The following PLEKHA5 variants were observed in gnomAD, a reference collection of about 807,000 sequenced individuals.
PLEKHA5 encodes the protein pleckstrin homology domain-containing family A member 5.
In PLEKHA5, 55 loss-of-function variants were observed where a neutral mutation model predicts 181.9. The observed-to-expected ratio is 0.30, with a 90% CI of 0.24 to 0.38. PLEKHA5 has a LOEUF of 0.38. PLEKHA5 is among the 10% of genes least tolerant of loss of function. PLEKHA5 has a pLI of 1.00. For missense variants in PLEKHA5, 1,432 were observed against 1,549.5 expected, an observed-to-expected ratio of 0.92 and a Z score of 1.27; for synonymous variants, 535 against 529.4, an observed-to-expected ratio of 1.01 and a Z score of -0.15.
Position 19,269,828 on chromosome 12 carries a change from A to C in PLEKHA5, c.770A>C (p.Glu257Ala). ...YFCTDTGKEM[E>A]LWMKAMLDAA... ...TGCACTGATACAGGAAAGGAAATGGAGTTGTGGATGAAAGCCATGTTAGAT... is the reference window on the plus strand; with the variant it reads ...TGCACTGATACAGGAAAGGAAATGGCGTTGTGGATGAAAGCCATGTTAGAT... Residue 257 changes from glutamate (E) to alanine (A), a missense_variant, in exon 9 of 32, where the codon GAG becomes GCG. Glu to Ala is a moderately radical substitution (Grantham distance 107). Coordinates refer to ENST00000429027, the MANE Select transcript of PLEKHA5 (RefSeq NM_001256470.2). 6.2e-7 allele frequency: 1 copy of C among 1,611,798 alleles called. No individual in the cohort carries two copies. Among genetic ancestry groups the C allele is most frequent in the Non-Finnish European group, 8.5e-7 (1 of 1,177,966 alleles).
chr12:19,269,340 T>C (rs1370426139), intron 8 of PLEKHA5, among the ~76,000 whole-genome samples: 1 of 150,064 alleles, frequency 6.7e-6, no homozygotes, highest in Non-Finnish European at 1.5e-5. Flanking sequence ...TGAACCAAGA[T>C]TGCTCCACTG....
intron 3 of PLEKHA5, chr12:19,149,796 A>G (rs1388372179): frequency 6.6e-6 from 1 of 152,216 alleles, no homozygotes; most frequent in Admixed American, 6.5e-5. Context: ...GAAGACAGGC[A>G]TCCACCCGAG....
chr12:19,142,415 G>A (rs1158844901), intron 3 of PLEKHA5, among the ~76,000 whole-genome samples: 1 of 151,890 alleles, frequency 6.6e-6, no homozygotes, highest in Non-Finnish European at 1.5e-5. Context: ...ATAAAACTCA[G>A]TAAAATAGGA....
At chr12:19,244,505 A>C (rs538221727) in intron 3 of PLEKHA5, among the ~76,000 whole-genome samples, 14 of 152,348 alleles carry the variant, frequency 9.2e-5, no homozygotes, top group African/African-American at 3.1e-4. Flanking sequence ...GGGCCTTTGC[A>C]AAAGTCCAAG....
chr12:19,338,832 G>A (rs147895381), intron 21 of PLEKHA5, among the ~76,000 whole-genome samples: 2,428 of 150,396 alleles, frequency 0.016, 34 homozygotes, highest in Middle Eastern at 0.031. Context: ...TGCAGTGATC[G>A]GAGATCACAC....
At chr12:19,259,514 GC>G (rs2067796699) in intron 6 of PLEKHA5, among the ~76,000 whole-genome samples, 1 of 152,122 alleles carries the variant, frequency 6.6e-6, no homozygotes, top group South Asian at 2.1e-4. Context: ...ACTTTGGGAG[GC>G]CAAGGTGGGT....
At chr12:19,156,055 A>T (rs1336622942) in intron 3 of PLEKHA5, among the ~76,000 whole-genome samples, 10 of 152,170 alleles carry the variant, frequency 6.6e-5, no homozygotes, top group Non-Finnish European at 1.3e-4. Flanking sequence ...TTGTGTTAAA[A>T]AGTAGTTTCC....
Position 19,269,860 on chromosome 12 carries a change from C to G in PLEKHA5, c.802C>G (p.Leu268Val). ...GATGAAAGCCATGTTAGATGCTGCC[C>G]TAGTACAGACAGAACCTGTGAAAAG... ...LWMKAMLDAALVQTEPVKRIT... is the reference protein window; with the variant it reads ...LWMKAMLDAAVVQTEPVKRIT... Residue 268 changes from leucine (L) to valine (V), a missense_variant, in exon 9 of 32, where the codon CTA becomes GTA. Physicochemically the swap from Leu to Val is conservative, Grantham distance 32. Coordinates refer to ENST00000429027, the MANE Select transcript of PLEKHA5 (RefSeq NM_001256470.2). 1.3e-6 allele frequency: 2 copies of G among 1,588,696 alleles called. No individual in the cohort carries two copies. Among genetic ancestry groups the G allele is most frequent in the Non-Finnish European group, 1.7e-6 (2 of 1,157,056 alleles).
intron 11 of PLEKHA5, 125 bp from the exon 12 acceptor site, chr12:19,283,148 CCAAAAAA>C (rs2076544783): frequency 3.5e-6 from 1 of 286,134 alleles, no homozygotes; most frequent in South Asian, 3.4e-5. Context: ...CTCTTGTCTC[CCAAAAAA>C]AAAAAAAAAA....
At chr12:19,157,428 C>A (rs1567944) in intron 3 of PLEKHA5, among the ~76,000 whole-genome samples, 135,039 of 151,952 alleles carry the variant, frequency 0.89, 60,830 homozygotes, top group Non-Finnish European at 0.97. Context: ...TTTTGTAGGT[C>A]TGGTGCTAGA....
intron 24 of PLEKHA5, among the ~76,000 whole-genome samples, chr12:19,348,163 G>T (rs958123500): frequency 6.6e-6 from 1 of 152,148 alleles, no homozygotes. Flanking sequence ...GATTACAGGT[G>T]TGAGCCACTG....
At chr12:19,285,201 A>G (rs1447689854) in intron 12 of PLEKHA5, among the ~76,000 whole-genome samples, 2 of 152,360 alleles carry the variant, frequency 1.3e-5, no homozygotes, top group Non-Finnish European at 2.9e-5. Flanking sequence ...ATCATGATTG[A>G]TAAAAATAGT....
At chr12:19,311,093 A>G (rs2086336732) in intron 15 of PLEKHA5, among the ~76,000 whole-genome samples, 1 of 152,008 alleles carries the variant, frequency 6.6e-6, no homozygotes, top group Non-Finnish European at 1.5e-5. Flanking sequence ...TCTCTGTAGC[A>G]TGCAGTGGTG....
chr12:19,261,647 C>T (rs1479102932), intron 7 of PLEKHA5, among the ~76,000 whole-genome samples: 1 of 152,138 alleles, frequency 6.6e-6, no homozygotes, highest in Admixed American at 6.5e-5. Flanking sequence ...AAGTCTGTCT[C>T]AGCTATAGTA....
rs1207811098 is a variant in PLEKHA5, at chr12:19,129,768, G to A, written c.-32G>A. 19 of 1,538,522 alleles carry A rather than the reference G, an allele frequency of 1.2e-5. No homozygotes were observed. Among genetic ancestry groups the A allele is most frequent in the Non-Finnish European group, 1.7e-5 (19 of 1,123,402 alleles). On this transcript the variant is annotated 5_prime_UTR_variant, in exon 1 of 32. Transcript: ENST00000429027. ...CCCTCGGCAGCCGCGGCGGCAGCAG[G>A]AGAAGGCGGCGGCGGCGGCTAGGGA...
intron 3 of PLEKHA5, among the ~76,000 whole-genome samples, chr12:19,148,410 C>T (rs1444020070): frequency 6.6e-6 from 1 of 152,208 alleles, no homozygotes; most frequent in Non-Finnish European, 1.5e-5. Flanking sequence ...GGAGATTAGG[C>T]ATGCTCAGGC....
chr12:19,276,655 C>T (rs1216353042), intron 11 of PLEKHA5, among the ~76,000 whole-genome samples: 1 of 152,204 alleles, frequency 6.6e-6, no homozygotes, highest in African/African-American at 2.4e-5. Context: ...CGTGCCACTG[C>T]ACTCCAATCT....
intron 3 of PLEKHA5, among the ~76,000 whole-genome samples, chr12:19,192,404 T>C (rs1297375904): frequency 6.6e-6 from 1 of 152,022 alleles, no homozygotes; most frequent in South Asian, 2.1e-4. Context: ...GAATAGAAAA[T>C]AATTTACTCT....
At position 19,197,485 on chromosome 12, in the gene PLEKHA5, C is replaced by T. The variant is rs1355010371; in HGVS notation, c.228-56455C>T. 2.6e-5 allele frequency among the ~76,000 whole-genome samples: 4 copies of T among 152,176 alleles called. No homozygotes were observed. The East Asian group carries it at 5.8e-4, about 22-fold the overall frequency. On this transcript the variant is annotated intron_variant, in intron 3 of 31. Transcript: ENST00000429027. ...TTAATTTCACTACGGTAACCACACT[C>T]CTGAGCCACACTCTGCTTTTTCTTT...
Sources: gnomAD v4.1 joint callset for allele counts (sites outside exome capture counted in the v4.1 genomes callset) on GRCh38, gnomAD v4.1.1 for gene constraint, MANE v1.5 for transcripts, NCBI Gene and HGNC (gene_info 2026-07-23, HGNC 2026-07-21) for gene names.